LTBP1: variants seen among roughly 807,000 people sequenced by gnomAD.
LTBP1 encodes latent transforming growth factor beta binding protein 1.
In LTBP1, 129 loss-of-function variants were observed where a neutral mutation model predicts 207.6. The ratio of observed to expected loss-of-function variants is 0.62; its 90% CI spans 0.54 to 0.72. The LOEUF (loss-of-function observed/expected upper bound fraction) is 0.72. LTBP1 is among the 30% of genes least tolerant of loss of function. LTBP1 has a pLI of 0.00. For missense variants in LTBP1, 2,281 were observed against 2,217.2 expected, an observed-to-expected ratio of 1.03 and a Z score of -0.58; for synonymous variants, 963 against 833.7, an observed-to-expected ratio of 1.16 and a Z score of -2.67.
intron 2 of LTBP1, among the ~76,000 whole-genome samples, chr2:32,977,088 C>T (rs370310103): frequency 6.6e-6 from 1 of 152,202 alleles, no homozygotes; most frequent in East Asian, 1.9e-4. Flanking sequence ...GGATATTGTG[C>T]CCCTTGGCAG....
intron 5 of LTBP1, among the ~76,000 whole-genome samples, chr2:33,180,767 G>A (rs574802922): frequency 5.6e-4 from 85 of 152,174 alleles, no homozygotes; most frequent in Middle Eastern, 6.8e-3. Context: ...AAGTAGCATA[G>A]GTTCTTAAAG....
intron 9 of LTBP1, among the ~76,000 whole-genome samples, chr2:33,237,414 G>A (rs962648131): frequency 2.0e-5 from 3 of 152,088 alleles, no homozygotes; most frequent in South Asian, 4.1e-4. Flanking sequence ...TAGAACATTG[G>A]TTTTCAAATA....
intron 2 of LTBP1, among the ~76,000 whole-genome samples, chr2:32,970,203 A>G (rs1680647127): frequency 6.6e-6 from 1 of 152,078 alleles, no homozygotes; most frequent in Non-Finnish European, 1.5e-5. Context: ...ATTTTCTTCC[A>G]TTCTGTGAGT....
chr2:32,996,094 C>G (rs1289658215), intron 2 of LTBP1, among the ~76,000 whole-genome samples: 2 of 152,104 alleles, frequency 1.3e-5, no homozygotes, highest in African/African-American at 4.8e-5. Flanking sequence ...TGTTTTCTAA[C>G]TTGATGGATT....
At chr2:33,250,971 C>T (rs2092666488) in intron 10 of LTBP1, among the ~76,000 whole-genome samples, 1 of 152,190 alleles carries the variant, frequency 6.6e-6, no homozygotes, top group Non-Finnish European at 1.5e-5. Flanking sequence ...ACCCACTGCC[C>T]AGGAGCCTGA....
At chr2:33,132,365 A>T (rs1247644803) in intron 4 of LTBP1, among the ~76,000 whole-genome samples, 1 of 152,198 alleles carries the variant, frequency 6.6e-6, no homozygotes, top group Non-Finnish European at 1.5e-5. Context: ...TAACTTTAAA[A>T]TGTCCTGTAA....
At chr2:33,201,752 G>A (rs540943695) in intron 7 of LTBP1, among the ~76,000 whole-genome samples, 12 of 152,292 alleles carry the variant, frequency 7.9e-5, no homozygotes, top group African/African-American at 2.9e-4. Flanking sequence ...ACTGGTAGTT[G>A]ATGTGGAATC....
At chr2:32,950,934 G>T (rs1677009020) in intron 2 of LTBP1, among the ~76,000 whole-genome samples, 1 of 152,330 alleles carries the variant, frequency 6.6e-6, no homozygotes, top group East Asian at 1.9e-4. Flanking sequence ...AAATCTTGGG[G>T]AATCTCTTCA....
At chr2:33,312,754 C>T (rs2094206348) in intron 23 of LTBP1, among the ~76,000 whole-genome samples, 1 of 151,948 alleles carries the variant, frequency 6.6e-6, no homozygotes, top group Non-Finnish European at 1.5e-5. Flanking sequence ...TTGTGTTAAT[C>T]AGTGACTTTT....
At chr2:33,209,431 G>A (rs1450898301) in intron 7 of LTBP1, among the ~76,000 whole-genome samples, 4 of 152,116 alleles carry the variant, frequency 2.6e-5, no homozygotes, top group Admixed American at 6.6e-5. Flanking sequence ...AAGTACGATC[G>A]TGATGTCCCC....
intron 3 of LTBP1, among the ~76,000 whole-genome samples, chr2:33,054,794 T>A (rs141277261): frequency 2.0e-5 from 3 of 152,270 alleles, no homozygotes; most frequent in African/African-American, 7.2e-5. Context: ...GTGAGGGTGA[T>A]GACATGAGCC....
chr2:33,261,593 G>C (rs141662987), intron 13 of LTBP1, among the ~76,000 whole-genome samples: 1 of 152,144 alleles, frequency 6.6e-6, no homozygotes, highest in African/African-American at 2.4e-5. Flanking sequence ...GTCAATGGAC[G>C]GGGCTTGCAA....
chr2:33,006,525 G>T (rs1257013619), intron 2 of LTBP1, among the ~76,000 whole-genome samples: 1 of 151,448 alleles, frequency 6.6e-6, no homozygotes, highest in Non-Finnish European at 1.5e-5. Flanking sequence ...TGGGAGTACA[G>T]GCACCTAGCC....
intron 4 of LTBP1, among the ~76,000 whole-genome samples, chr2:33,117,571 G>T (rs1456591671): frequency 6.6e-6 from 1 of 152,188 alleles, no homozygotes; most frequent in African/African-American, 2.4e-5. Flanking sequence ...TCAAAACAAA[G>T]CTGAATGTTA....
Position 33,188,591 on chromosome 2 carries a change from A to C in LTBP1, c.1441A>C (p.Asn481His). ...QQGVKVKFPP[N>H]IVNIHVKHPP... ...ATCTGTTGTAGTGAAATTTCCTCCT[A>C]ACATAGTCAATATCCATGTGAAACA... The change falls in exon 7 of 34, where the codon AAC (asparagine) becomes CAC (histidine). Residue 481 changes from asparagine to histidine, a missense_variant. Physicochemically the swap from Asn to His is moderately conservative, Grantham distance 68. Transcript: ENST00000404816. 3 of 1,612,480 alleles carry C rather than the reference A, an allele frequency of 1.9e-6. No homozygotes were observed. The highest frequency in any genetic ancestry group is 2.5e-6 in the Non-Finnish European group (3 of 1,179,530).
intron 9 of LTBP1, among the ~76,000 whole-genome samples, chr2:33,230,889 GGCAC>G (rs2091746333): frequency 8.5e-6 from 1 of 117,722 alleles, no homozygotes; most frequent in African/African-American, 2.6e-5. Context: ...CTACATTTTT[GGCAC>G]GTACTGTGGG....
intron 3 of LTBP1, among the ~76,000 whole-genome samples, chr2:33,072,336 C>T (rs888708972): frequency 1.3e-5 from 2 of 152,182 alleles, no homozygotes; most frequent in East Asian, 1.9e-4. Context: ...GAACCCAGTC[C>T]TCTTCGGCCT....
chr2:33,344,644 A>C (rs1012075999), intron 25 of LTBP1, among the ~76,000 whole-genome samples: 10 of 152,158 alleles, frequency 6.6e-5, no homozygotes, highest in African/African-American at 2.4e-4. Context: ...CTGCTTCCAG[A>C]GCACCTTCAG....
intron 3 of LTBP1, among the ~76,000 whole-genome samples, chr2:33,110,033 T>G (rs1648730091): frequency 1.3e-5 from 2 of 152,174 alleles, no homozygotes; most frequent in African/African-American, 4.8e-5. Flanking sequence ...TTTCCCCCCT[T>G]CCCATTTCCA....
Sources: gnomAD v4.1 joint callset for allele counts (sites outside exome capture counted in the v4.1 genomes callset) on GRCh38, gnomAD v4.1.1 for gene constraint, MANE v1.5 for transcripts, NCBI Gene and HGNC (gene_info 2026-07-23, HGNC 2026-07-21) for gene names.